The following ARB2A variants were observed in gnomAD, a reference collection of about 807,000 sequenced individuals.
ARB2A encodes the protein cotranscriptional regulator ARB2A.
At chr5:94,103,255 A>G in the ARB2A span, among the ~76,000 whole-genome samples, 1 of 152,054 alleles carries the variant, frequency 6.6e-6, no homozygotes, top group Non-Finnish European at 1.5e-5. Context: ...ACCTAACTAC[A>G]TACTATCTTC....
the ARB2A span, among the ~76,000 whole-genome samples, chr5:93,763,719 T>C: frequency 1.3e-5 from 2 of 152,078 alleles, no homozygotes; most frequent in Non-Finnish European, 2.9e-5. Flanking sequence ...GACAGAACTC[T>C]CCACCCCAAA....
chr5:93,828,592 T>A, the ARB2A span, among the ~76,000 whole-genome samples: 3 of 152,164 alleles, frequency 2.0e-5, no homozygotes, highest in Admixed American at 2.0e-4. Flanking sequence ...ATCTCTAGCC[T>A]AGCCTCAACA....
the ARB2A span, among the ~76,000 whole-genome samples, chr5:93,836,889 CAA>C: frequency 2.0e-5 from 3 of 151,692 alleles, no homozygotes; most frequent in Admixed American, 2.0e-4. Flanking sequence ...TGAAAATAGA[CAA>C]AAAAAAGTCT....
At chr5:93,702,893 G>A in the ARB2A span, among the ~76,000 whole-genome samples, 24,348 of 151,836 alleles carry the variant, frequency 0.16, 2,139 homozygotes, top group Middle Eastern at 0.27. Context: ...TTCTCCATTT[G>A]TTTGCTCTAC....
At chr5:93,984,808 A>C in the ARB2A span, among the ~76,000 whole-genome samples, 1 of 152,246 alleles carries the variant, frequency 6.6e-6, no homozygotes, top group Admixed American at 6.5e-5. Context: ...TGAATGAAAA[A>C]AATTTAATTA....
At chr5:93,931,705 A>G in the ARB2A span, among the ~76,000 whole-genome samples, 1 of 152,194 alleles carries the variant, frequency 6.6e-6, no homozygotes, top group Admixed American at 6.5e-5. Context: ...AAATTTTCAC[A>G]AAGTGAACAG....
chr5:94,106,457 T>A, the ARB2A span, among the ~76,000 whole-genome samples: 1 of 151,912 alleles, frequency 6.6e-6, no homozygotes, highest in East Asian at 1.9e-4. Flanking sequence ...AGGGCTATTG[T>A]TAAAAAGTCA....
At chr5:94,096,969 C>G in the ARB2A span, among the ~76,000 whole-genome samples, 4 of 152,172 alleles carry the variant, frequency 2.6e-5, no homozygotes, top group African/African-American at 9.7e-5. Flanking sequence ...CTACAGGAGA[C>G]TCAATGACCC....
the ARB2A span, among the ~76,000 whole-genome samples, chr5:93,778,482 A>G: frequency 3.9e-5 from 6 of 152,222 alleles, no homozygotes; most frequent in Non-Finnish European, 7.3e-5. Context: ...CATGACTTCT[A>G]TAGGTACTAA....
chr5:93,648,931 A>G, the ARB2A span, among the ~76,000 whole-genome samples: 2 of 152,230 alleles, frequency 1.3e-5, no homozygotes, highest in Non-Finnish European at 2.9e-5. Flanking sequence ...AATCACAAGC[A>G]TATCTTATTA....
the ARB2A span, among the ~76,000 whole-genome samples, chr5:93,723,417 C>T: frequency 6.6e-6 from 1 of 152,036 alleles, no homozygotes; most frequent in Non-Finnish European, 1.5e-5. Flanking sequence ...CAAATAACTT[C>T]AGCCAAATTC....
At chr5:93,733,710 T>C in the ARB2A span, 2 of 152,316 alleles carry the variant, frequency 1.3e-5, no homozygotes, top group East Asian at 3.9e-4. Flanking sequence ...CCTAAATCTT[T>C]ACCTTCGAAA....
chr5:93,642,995 T>C, the ARB2A span, among the ~76,000 whole-genome samples: 1 of 152,208 alleles, frequency 6.6e-6, no homozygotes, highest in Non-Finnish European at 1.5e-5. Context: ...AACATTAAGA[T>C]AATGTGTTTT....
At chr5:93,967,903 G>A in the ARB2A span, among the ~76,000 whole-genome samples, 1 of 151,932 alleles carries the variant, frequency 6.6e-6, no homozygotes, top group Non-Finnish European at 1.5e-5. Flanking sequence ...TATCAACAGA[G>A]TTCCTATAAA....
chr5:93,649,446 C>T, the ARB2A span, among the ~76,000 whole-genome samples: 2 of 152,110 alleles, frequency 1.3e-5, no homozygotes, highest in African/African-American at 4.8e-5. Context: ...AGCCAGAACC[C>T]AAGCAGAAGG....
the ARB2A span, among the ~76,000 whole-genome samples, chr5:93,918,090 T>A: frequency 6.6e-6 from 1 of 152,184 alleles, no homozygotes; most frequent in Non-Finnish European, 1.5e-5. Flanking sequence ...CTGAATACCA[T>A]TTCTTTATTC....
the ARB2A span, chr5:94,050,647 G>A: frequency 2.1e-6 from 2 of 959,286 alleles, no homozygotes; most frequent in Admixed American, 5.1e-5. Context: ...TAGAAAGAGT[G>A]CATAAACTGC....
the ARB2A span, among the ~76,000 whole-genome samples, chr5:93,651,287 C>T: frequency 6.6e-6 from 1 of 151,996 alleles, no homozygotes. Context: ...AGGTGTGTAC[C>T]ACTATGCTTG....
chr5:94,016,567 A>G, the ARB2A span, among the ~76,000 whole-genome samples: 3 of 152,210 alleles, frequency 2.0e-5, no homozygotes, highest in Non-Finnish European at 4.4e-5. Flanking sequence ...GACCAGATGA[A>G]GCAGCTAATA....
Sources: gnomAD v4.1 joint callset for allele counts (sites outside exome capture counted in the v4.1 genomes callset) on GRCh38, gnomAD v4.1.1 for gene constraint, MANE v1.5 for transcripts, NCBI Gene and HGNC (gene_info 2026-07-23, HGNC 2026-07-21) for gene names.